PRKCH: variants seen among roughly 807,000 people sequenced by gnomAD.
The protein encoded by PRKCH is protein kinase C eta type.
Under a neutral mutation model 82.5 loss-of-function variants are expected in PRKCH, and 28 were observed. The ratio of observed to expected loss-of-function variants is 0.34; its 90% CI spans 0.25 to 0.47. The LOEUF (loss-of-function observed/expected upper bound fraction) is 0.47. Among genes scored for constraint, PRKCH ranks in the 20% least tolerant of loss-of-function variants. The pLI is 1.00. For synonymous variants in PRKCH, 322 were observed against 327.4 expected (o/e 0.98, Z 0.18); for missense variants, 705 against 881.8 (o/e 0.80, Z 2.54).
intron 1 of PRKCH, among the ~76,000 whole-genome samples, chr14:61,275,185 G>T (rs1344259994): frequency 1.3e-5 from 2 of 152,122 alleles, no homozygotes; most frequent in African/African-American, 4.8e-5. Context: ...GATTGTCATT[G>T]CCTCATCCAG....
chr14:61,530,476 C>G lies in PRKCH; in HGVS notation c.1642C>G (p.Leu548Val). The G allele has an allele frequency of 1.2e-6, 2 of 1,612,260 alleles. No homozygotes were observed. The highest frequency in any genetic ancestry group is 2.2e-5 in the East Asian group (1 of 44,866). ...WAMGVLLYEMLCGHAPFEAEN... is the reference protein window; with the variant it reads ...WAMGVLLYEMVCGHAPFEAEN... ...AATGGGCGTGTTGCTCTATGAGATG[C>G]TCTGTGGTCACGCGCCTTTTGAGGC... Residue 548 changes from leucine to valine, a missense_variant, in exon 12 of 14, where the codon CTC (leucine) becomes GTC (valine). By Grantham distance (32) the Leu-to-Val change is conservative (BLOSUM62 1). Coordinates refer to ENST00000332981, the MANE Select transcript of PRKCH (RefSeq NM_006255.5).
chr14:61,466,444 C>A (rs1885260538), intron 9 of PRKCH, among the ~76,000 whole-genome samples: 3 of 152,164 alleles, frequency 2.0e-5, no homozygotes. Context: ...ATCCCCCATC[C>A]CCGGCTCGCA....
Position 61,331,101 on chromosome 14 carries a change from A to G in PRKCH, c.363+8637A>G, listed in dbSNP as rs1457159279. 3.3e-5 allele frequency among the ~76,000 whole-genome samples: 5 copies of G among 152,222 alleles called. No individual in the cohort carries two copies. In the East Asian group the frequency reaches 9.6e-4, roughly 29 times the overall value. On this transcript the variant is annotated intron_variant, in intron 1 of 13. Transcript: ENST00000332981. ...CCCTAACTCATGAGAAGTGTAATATACATACATTTAATATGTATTAATATC... is the reference window on the plus strand; with the variant it reads ...CCCTAACTCATGAGAAGTGTAATATGCATACATTTAATATGTATTAATATC...
At chr14:61,281,042 G>A (rs2045259978) in intron 1 of PRKCH, 1 of 1,529,124 alleles carries the variant, frequency 6.5e-7, no homozygotes, top group East Asian at 2.6e-5. Context: ...AAGAGCGGCA[G>A]CGCGATGCTG....
intron 1 of PRKCH, among the ~76,000 whole-genome samples, chr14:61,232,262 G>A (rs566174478): frequency 1.4e-4 from 21 of 152,352 alleles, no homozygotes; most frequent in African/African-American, 5.1e-4. Context: ...GTCTTGCCCT[G>A]TTGCCCAGGC....
intron 1 of PRKCH, among the ~76,000 whole-genome samples, chr14:61,255,488 G>A (rs1385809969): frequency 6.6e-6 from 1 of 152,100 alleles, no homozygotes; most frequent in Non-Finnish European, 1.5e-5. Context: ...AATTGTGGAT[G>A]AGGCAATTTT....
intron 10 of PRKCH, among the ~76,000 whole-genome samples, chr14:61,519,365 A>G (rs2042873719): frequency 6.6e-6 from 1 of 151,880 alleles, no homozygotes; most frequent in African/African-American, 2.4e-5. Context: ...GTTGCCTGGG[A>G]TGGTCCCAAT....
chr14:61,250,595 G>A (rs1380771200), intron 1 of PRKCH, among the ~76,000 whole-genome samples: 1 of 152,074 alleles, frequency 6.6e-6, no homozygotes, highest in Non-Finnish European at 1.5e-5. Context: ...GGGGGAGGAG[G>A]GGACGGATAG....
intron 12 of PRKCH, among the ~76,000 whole-genome samples, chr14:61,532,945 A>G (rs1000220327): frequency 6.6e-6 from 1 of 152,208 alleles, no homozygotes; most frequent in African/African-American, 2.4e-5. Flanking sequence ...GTTACATATC[A>G]TGCGTCTAGC....
intron 10 of PRKCH, among the ~76,000 whole-genome samples, chr14:61,512,689 T>C (rs17098638): frequency 0.041 from 6,167 of 152,242 alleles, 417 homozygotes; most frequent in African/African-American, 0.14. Flanking sequence ...GACCTTTTAA[T>C]TTTACACAAG....
intron 10 of PRKCH, among the ~76,000 whole-genome samples, chr14:61,526,776 A>G (rs1469275381): frequency 2.0e-5 from 3 of 152,226 alleles, no homozygotes; most frequent in South Asian, 4.1e-4. Flanking sequence ...CACTGAGGAG[A>G]CGCCACAGCG....
At chr14:61,417,320 T>G (rs1273674850) in intron 2 of PRKCH, among the ~76,000 whole-genome samples, 1 of 152,210 alleles carries the variant, frequency 6.6e-6, no homozygotes, top group East Asian at 1.9e-4. Flanking sequence ...TTTTGAGCTC[T>G]CATTGTTGGT....
intron 2 of PRKCH, 151 bp downstream of exon 2, chr14:61,391,439 G>A: frequency 1.5e-6 from 1 of 663,454 alleles, no homozygotes; most frequent in South Asian, 2.7e-5. Flanking sequence ...GTATTTTGTT[G>A]CCCAGTGGTC....
chr14:61,249,498 G>A (rs1204268175), intron 1 of PRKCH, among the ~76,000 whole-genome samples: 2 of 137,298 alleles, frequency 1.5e-5, no homozygotes, highest in Non-Finnish European at 3.1e-5. Context: ...AGTATGATGT[G>A]CAAATTTGTA....
At chr14:61,396,054 TG>T (rs1489324900) in intron 2 of PRKCH, among the ~76,000 whole-genome samples, 2 of 148,590 alleles carry the variant, frequency 1.3e-5, no homozygotes, top group African/African-American at 5.0e-5. Context: ...CACTCCAGCT[TG>T]GGTGACAGAG....
chr14:61,332,776 C>T (rs1010475793), intron 1 of PRKCH, among the ~76,000 whole-genome samples: 1 of 152,200 alleles, frequency 6.6e-6, no homozygotes, highest in Middle Eastern at 3.2e-3. Flanking sequence ...ATTCGTAAGT[C>T]ACATCTGTCC....
chr14:61,364,912 A>T (rs2046277871), intron 1 of PRKCH, among the ~76,000 whole-genome samples: 1 of 151,978 alleles, frequency 6.6e-6, no homozygotes, highest in Non-Finnish European at 1.5e-5. Context: ...GATAGAAGGA[A>T]GCAGTTCGTA....
intron 9 of PRKCH, among the ~76,000 whole-genome samples, chr14:61,465,840 G>A (rs375356052): frequency 1.3e-5 from 2 of 152,278 alleles, no homozygotes; most frequent in South Asian, 2.1e-4. Context: ...AAATTGTCAG[G>A]TACCGTCGTA....
Position 61,208,007 on chromosome 14 carries a change from A to G in PRKCH, c.-19+20339A>G, listed in dbSNP as rs530222553. ...CCAAATGTATGGCTGTTTGAATGTGAAATGGGGTTTACATTAGAAGCACAG... is the reference window on the plus strand; with the variant it reads ...CCAAATGTATGGCTGTTTGAATGTGGAATGGGGTTTACATTAGAAGCACAG... On this transcript the variant is annotated intron_variant, in intron 1 of 3. Transcript: ENST00000555185. Among the ~76,000 whole-genome samples, 12 of 152,362 alleles carry G rather than the reference A, an allele frequency of 7.9e-5. No individual in the cohort carries two copies. In the South Asian group the frequency reaches 8.3e-4, roughly 11 times the overall value.
Sources: allele counts gnomAD v4.1 joint callset (sites outside exome capture counted in the v4.1 genomes callset), GRCh38; gene constraint gnomAD v4.1.1; transcripts MANE v1.5; gene names NCBI Gene and HGNC (gene_info 2026-07-23, HGNC 2026-07-21).